Variants in ELMO1 observed in about 807,000 individuals in gnomAD.
ELMO1 encodes engulfment and cell motility 1.
Under a neutral mutation model 98.9 loss-of-function variants are expected in ELMO1, and 26 were observed. The observed-to-expected ratio is 0.26, with a 90% CI of 0.19 to 0.36. ELMO1 has a LOEUF of 0.36. Among genes scored for constraint, ELMO1 ranks in the 10% least tolerant of loss-of-function variants. ELMO1 has a pLI of 1.00. For missense variants in ELMO1, 627 were observed against 935.2 expected (o/e 0.67, Z 4.30); for synonymous variants, 346 against 346.0 (o/e 1.00, Z 0.00).
chr7:37,167,541 CA>C (rs1403741941), intron 13 of ELMO1, among the ~76,000 whole-genome samples: 2 of 150,142 alleles, frequency 1.3e-5, no homozygotes, highest in East Asian at 3.9e-4. Flanking sequence ...CTGGTGGTGA[CA>C]AAATCTCTCA....
At position 37,259,356 on chromosome 7, in the gene ELMO1, G is replaced by A. The variant is rs769481344; in HGVS notation, c.244-6C>T. On this transcript the variant is annotated splice_polypyrimidine_tract_variant and splice_region_variant and intron_variant, in intron 5 of 21. Transcript: ENST00000310758. ...AGCTGCTGGGCGTTCTGAGCCTTAT[G>A]GGGCAAAAGCAAAGGGAAGAGTGTT... 3 of 1,612,422 alleles carry A rather than the reference G, an allele frequency of 1.9e-6. No individual in the cohort carries two copies. The highest frequency in any genetic ancestry group is 1.1e-5 in the South Asian group (1 of 90,956).
intron 2 of ELMO1, among the ~76,000 whole-genome samples, chr7:37,331,535 C>T (rs1187424856): frequency 6.6e-6 from 1 of 151,724 alleles, no homozygotes; most frequent in Admixed American, 6.6e-5. Context: ...TCACATACAC[C>T]TGTTCACAAT....
At chr7:37,383,477 T>A (rs2131392998) in intron 1 of ELMO1, among the ~76,000 whole-genome samples, 2 of 152,356 alleles carry the variant, frequency 1.3e-5, no homozygotes, top group Admixed American at 1.3e-4. Context: ...TTGGTTAAAA[T>A]TGTTATCTTC....
At chr7:37,124,790 A>C (rs533647145) in intron 14 of ELMO1, among the ~76,000 whole-genome samples, 1 of 150,814 alleles carries the variant, frequency 6.6e-6, no homozygotes, top group African/African-American at 2.5e-5. Context: ...AACTACTTTA[A>C]AGTTCATATG....
intron 2 of ELMO1, among the ~76,000 whole-genome samples, chr7:37,327,316 CTG>C (rs1799870537): frequency 6.6e-6 from 1 of 152,224 alleles, no homozygotes; most frequent in African/African-American, 2.4e-5. Flanking sequence ...GTAAAATTAA[CTG>C]TATTTATGTG....
At chr7:37,398,366 T>C (rs12669698) in intron 1 of ELMO1, among the ~76,000 whole-genome samples, 37,702 of 152,072 alleles carry the variant, frequency 0.25, 7,095 homozygotes, top group African/African-American at 0.5. Context: ...TATATATTCA[T>C]GGAAATGTAA....
At chr7:37,098,920 C>A (rs917862302) in intron 14 of ELMO1, among the ~76,000 whole-genome samples, 3 of 152,160 alleles carry the variant, frequency 2.0e-5, no homozygotes, top group Non-Finnish European at 4.4e-5. Flanking sequence ...CAGCTTCCAG[C>A]GAGCACATTC....
rs538121937 is a variant in ELMO1 at position 36,886,114 on chromosome 7, C to T, written c.1714+1446G>A. 6.6e-5 allele frequency among the ~76,000 whole-genome samples: 10 copies of T among 152,248 alleles called. No individual in the cohort carries two copies. In the East Asian group the frequency reaches 1.2e-3, roughly 18 times the overall value. ...GACATGATGCCCGATGCAAGGAACG[C>T]GATGAGAGGAGGGCATGAACTCATT... On this transcript the variant is annotated intron_variant, in intron 18 of 21. Transcript: ENST00000310758.
At chr7:36,921,193 A>G (rs1785125828) in intron 16 of ELMO1, among the ~76,000 whole-genome samples, 2 of 152,180 alleles carry the variant, frequency 1.3e-5, no homozygotes, top group South Asian at 2.1e-4. Context: ...GTTATTTACA[A>G]ATTACCCCGT....
chr7:37,163,752 G>C (rs568077596), intron 13 of ELMO1, among the ~76,000 whole-genome samples: 24 of 152,294 alleles, frequency 1.6e-4, no homozygotes, highest in Admixed American at 4.6e-4. Flanking sequence ...GGACATTTGG[G>C]TTGGTTCCAA....
chr7:37,117,301 A>G (rs1352850340), intron 14 of ELMO1: 1 of 152,600 alleles, frequency 6.6e-6, no homozygotes, highest in African/African-American at 2.4e-5. Context: ...AGACAAGGAG[A>G]TAACTACCAG....
chr7:37,126,977 C>T (rs887478545), intron 14 of ELMO1, among the ~76,000 whole-genome samples: 1 of 152,102 alleles, frequency 6.6e-6, no homozygotes, highest in Non-Finnish European at 1.5e-5. Context: ...TGCATGCATT[C>T]GGATTTTATT....
intron 1 of ELMO1, among the ~76,000 whole-genome samples, chr7:37,350,746 T>C (rs932020870): frequency 6.6e-6 from 1 of 152,162 alleles, no homozygotes; most frequent in Non-Finnish European, 1.5e-5. Context: ...AGACAGGACC[T>C]CGAAAGAAGT....
At chr7:37,121,006 G>A (rs1237196547) in intron 14 of ELMO1, among the ~76,000 whole-genome samples, 1 of 152,208 alleles carries the variant, frequency 6.6e-6, no homozygotes, top group Non-Finnish European at 1.5e-5. Context: ...CTGATACCCA[G>A]GCAAACAGAG....
At chr7:37,137,936 A>T (rs1787372348) in intron 13 of ELMO1, among the ~76,000 whole-genome samples, 1 of 152,186 alleles carries the variant, frequency 6.6e-6, no homozygotes, top group Admixed American at 6.5e-5. Flanking sequence ...AATCCACAAA[A>T]CCATGCAAAC....
chr7:36,889,153 C>T (rs1191045360), intron 17 of ELMO1, among the ~76,000 whole-genome samples: 1 of 152,124 alleles, frequency 6.6e-6, no homozygotes, highest in Non-Finnish European at 1.5e-5. Context: ...TTCTAGTACT[C>T]CATTAATACA....
At chr7:37,171,666 G>A (rs1279750583) in intron 13 of ELMO1, among the ~76,000 whole-genome samples, 1 of 151,526 alleles carries the variant, frequency 6.6e-6, no homozygotes, top group Non-Finnish European at 1.5e-5. Flanking sequence ...CTAATTTTTT[G>A]TATTTTTAGT....
Position 37,175,004 on chromosome 7 carries a change from T to TA in ELMO1, c.1086+36381dup, listed in dbSNP as rs146866613. 3.2e-3 allele frequency among the ~76,000 whole-genome samples: 484 copies of TA among 151,434 alleles called. 1 individual carries two copies. The highest frequency in any genetic ancestry group is 0.011 in the African/African-American group (454 of 41,220). ...AAAAGAGGAAAGGGGTTAAGAATGG[T>TA]AAAAAATCAATGGCGAAGTGGGACC... On this transcript the variant is annotated intron_variant, in intron 13 of 21. Coordinates refer to ENST00000310758, the MANE Select transcript of ELMO1 (RefSeq NM_014800.11).
intron 15 of ELMO1, among the ~76,000 whole-genome samples, chr7:37,023,414 C>CCT (rs1440820758): frequency 6.6e-6 from 1 of 152,102 alleles, no homozygotes; most frequent in Non-Finnish European, 1.5e-5. Context: ...CTGCCCATCA[C>CCT]CTCTAGAAAT....
Sources: gnomAD v4.1 joint callset for allele counts (sites outside exome capture counted in the v4.1 genomes callset) on GRCh38, gnomAD v4.1.1 for gene constraint, MANE v1.5 for transcripts, NCBI Gene and HGNC (gene_info 2026-07-23, HGNC 2026-07-21) for gene names.